Variants in ABCC11 observed in about 807,000 individuals in gnomAD.
The protein encoded by ABCC11 is ATP binding cassette subfamily C member 11, also known as ATP-binding cassette sub-family C member 11.
ABCC11 carries 135 observed loss-of-function variants against 149.3 expected under a neutral mutation model. The ratio of observed to expected loss-of-function variants is 0.90; its 90% CI spans 0.79 to 1.04. ABCC11 has a LOEUF of 1.04. Among genes scored for constraint, ABCC11 ranks in the 50% least tolerant of loss-of-function variants. The probability of loss-of-function intolerance (pLI) is 0.00; values close to 1 mark genes in which losing one functional copy is unlikely to be tolerated. For missense variants in ABCC11, 1,680 were observed against 1,722.1 expected, an observed-to-expected ratio of 0.98 and a Z score of 0.43; for synonymous variants, 665 against 671.4, an observed-to-expected ratio of 0.99 and a Z score of 0.15.
At chr16:48,226,072 C>CATTATTATTATTATTATT (rs141311389) in intron 4 of ABCC11, among the ~76,000 whole-genome samples, 6,589 of 150,126 alleles carry the variant, frequency 0.044, 177 homozygotes, top group Middle Eastern at 0.073. Context: ...TTTCCAGGTA[C>CATTATTATTATTATTATT]ATTATTATTA....
intron 19 of ABCC11, among the ~76,000 whole-genome samples, chr16:48,193,469 G>C (rs1306032997): frequency 6.6e-6 from 1 of 152,162 alleles, no homozygotes; most frequent in Non-Finnish European, 1.5e-5. Flanking sequence ...CTCTGAATGT[G>C]GGTGGGGAGA....
chr16:48,175,781 G>T (rs1966023207), intron 25 of ABCC11, among the ~76,000 whole-genome samples: 1 of 152,034 alleles, frequency 6.6e-6, no homozygotes, highest in Non-Finnish European at 1.5e-5. Context: ...AGTAGAATTG[G>T]CAACACTGGA....
At chr16:48,239,659 AAAAC>A (rs1275036343) in intron 1 of ABCC11, among the ~76,000 whole-genome samples, 1 of 152,154 alleles carries the variant, frequency 6.6e-6, no homozygotes, top group Non-Finnish European at 1.5e-5. Context: ...AATTGCAACA[AAAAC>A]AAAAATTGAC....
Position 48,227,969 on chromosome 16 carries a change from T to C in ABCC11, c.237-5A>G, listed in dbSNP as rs1206089920. On this transcript the variant is annotated splice_region_variant and splice_polypyrimidine_tract_variant and intron_variant, in intron 3 of 29. Coordinates refer to ENST00000356608, the MANE Select transcript of ABCC11 (RefSeq NM_001370497.1). ...AGGGGCTGGGGGGCAGGAAACCTAG[T>C]AGAGGGGCCACAAGGATAAGAATGA... 11 of 1,607,166 alleles carry C rather than the reference T, an allele frequency of 6.8e-6. No homozygotes were observed. Among genetic ancestry groups the C allele is most frequent in the Middle Eastern group, 1.8e-4 (1 of 5,702 alleles).
Position 48,196,266 on chromosome 16 carries a change from C to T in ABCC11, c.2370G>A (p.Trp790Ter). Reference protein sequence around the residue: ...EEEMEEGSLSWRVYHHYIQAA... With the variant: ...EEEMEEGSLS ...CCTGGATGTAGTGGTGGTAGACCCT[C>T]CAACTCAAGGAGCCTTCTTCCATCT... Residue 790 changes from tryptophan (W) to a stop codon, truncating the protein, a stop_gained, in exon 18 of 30, where the codon TGG becomes TGA. Transcript: ENST00000356608. LOFTEE classifies it high-confidence loss of function. 2 of 1,614,172 alleles carry T rather than the reference C, an allele frequency of 1.2e-6. No homozygotes were observed. The highest frequency in any genetic ancestry group is 1.7e-6 in the Non-Finnish European group (2 of 1,180,030).
intron 19 of ABCC11, 39 bp downstream of exon 19, chr16:48,193,840 G>A (rs1303832863): frequency 1.9e-6 from 3 of 1,539,038 alleles, no homozygotes; most frequent in East Asian, 2.2e-5. Context: ...CCTCACTCAA[G>A]CCCATAGAAA....
chr16:48,222,880 G>A (rs764174293), intron 5 of ABCC11, 49 bp from the exon 6 acceptor site: 19 of 1,481,146 alleles, frequency 1.3e-5, no homozygotes, highest in Middle Eastern at 1.7e-4. Flanking sequence ...TGCCAGACAC[G>A]TTTGATGTTT....
At chr16:48,211,244 T>C (rs777732185) in intron 10 of ABCC11, 45 bp from the exon 11 acceptor site, 2 of 1,594,222 alleles carry the variant, frequency 1.3e-6, no homozygotes, top group Non-Finnish European at 1.7e-6. Context: ...TACAGTTCTT[T>C]AGTTCAGCAG....
rs1970386526 is a variant in ABCC11, at chr16:48,231,032, A to G, written c.100-459T>C. 2.0e-5 allele frequency among the ~76,000 whole-genome samples: 3 copies of G among 152,138 alleles called. No individual in the cohort carries two copies. In the South Asian group the frequency reaches 6.2e-4, roughly 31 times the overall value. ...GAATAAATAATATATTCTATATAAA[A>G]TAATACTTTTTAAAAGCACAGCAAG... On this transcript the variant is annotated intron_variant, in intron 2 of 29. Coordinates refer to ENST00000356608, the MANE Select transcript of ABCC11 (RefSeq NM_001370497.1).
intron 3 of ABCC11, 114 bp from the exon 4 acceptor site, chr16:48,228,078 T>C (rs1596836352): frequency 2.1e-6 from 2 of 956,448 alleles, no homozygotes; most frequent in East Asian, 2.7e-5. Flanking sequence ...CAAACATGTT[T>C]TCATGACTCT....
In ABCC11 at chr16:48,210,833, A is replaced by G. The variant is rs1391086298; in HGVS notation, c.1608+115T>C. On this transcript the variant is annotated intron_variant, in intron 11 of 29. Transcript: ENST00000356608. ...AAAAATTTGAATTTTAAGGGGAGAGATCTTGGAGAGGGCAGTTTTTAACCA... is the reference window on the plus strand; with the variant it reads ...AAAAATTTGAATTTTAAGGGGAGAGGTCTTGGAGAGGGCAGTTTTTAACCA... 2.9e-6 allele frequency: 4 copies of G among 1,391,920 alleles called. No individual in the cohort carries two copies. In the Admixed American group the frequency reaches 9.3e-5, roughly 33 times the overall value. The allele number at this position is 1,391,920 out of a possible 1,614,324, so 86.2% of individuals were successfully genotyped here.
intron 1 of ABCC11, among the ~76,000 whole-genome samples, chr16:48,238,107 A>G (rs1246428157): frequency 6.6e-6 from 1 of 152,210 alleles, no homozygotes; most frequent in Admixed American, 6.5e-5. Context: ...TGTTCAAAAA[A>G]TATTTTTAGT....
At chr16:48,247,278 C>G (rs1449700288) in intron 1 of ABCC11, 36 bp downstream of exon 1, 1 of 152,378 alleles carries the variant, frequency 6.6e-6, no homozygotes, top group Non-Finnish European at 1.5e-5. Flanking sequence ...TAGCATTAGC[C>G]TGTTTCCACG....
rs769775213 is a variant in ABCC11 at position 48,176,969 on chromosome 16, T to C, written c.3493A>G (p.Ile1165Val). 1.5e-5 allele frequency: 24 copies of C among 1,614,052 alleles called. No homozygotes were observed. Among genetic ancestry groups the C allele is most frequent in the Non-Finnish European group, 1.7e-6 (2 of 1,180,040 alleles). Residue 1165 changes from isoleucine to valine, a missense_variant, in exon 25 of 30, where the codon ATC (isoleucine) becomes GTC (valine). By Grantham distance (29) the Ile-to-Val change is conservative. Transcript: ENST00000356608. Reference protein sequence around the residue: ...PTVLHGINLTIRGHEVVGIVG... With the variant: ...PTVLHGINLTVRGHEVVGIVG... The stretch of plus-strand genomic sequence containing the variant: ...ATGCCCACCACTTCGTGGCCGCGGA[T>C]GGTCAGGTTGATGCCGTGAAGCACG...
intron 7 of ABCC11, among the ~76,000 whole-genome samples, 157 bp from the exon 8 acceptor site, chr16:48,215,501 C>T (rs1056511634): frequency 6.6e-6 from 1 of 152,160 alleles, no homozygotes; most frequent in African/African-American, 2.4e-5. Context: ...TTAGAGCATC[C>T]CAGGGGCCTT....
rs757135919 is a variant in ABCC11, at chr16:48,198,052, T to C, written c.2233A>G (p.Thr745Ala). The C allele has an allele frequency of 6.2e-7, 1 of 1,614,218 alleles. No homozygotes were observed. The highest frequency in any genetic ancestry group is 8.5e-7 in the Non-Finnish European group (1 of 1,180,036). Residue 745 changes from threonine (T) to alanine (A), a missense_variant, in exon 17 of 30, where the codon ACA (threonine) becomes GCA (alanine). Transcript: ENST00000356608. Reference protein sequence around the residue: ...KEATSDMLQDTAKIAEKPKVE... With the variant: ...KEATSDMLQDAAKIAEKPKVE... ...TTTGGCTTCTCTGCTATCTTTGCTGTGTCCTGCAACATGTCCTGGGGAGAG... is the reference window on the plus strand; with the variant it reads ...TTTGGCTTCTCTGCTATCTTTGCTGCGTCCTGCAACATGTCCTGGGGAGAG...
chr16:48,207,632 A>C (rs1296976826), intron 12 of ABCC11, among the ~76,000 whole-genome samples: 1 of 151,620 alleles, frequency 6.6e-6, no homozygotes, highest in African/African-American at 2.4e-5. Context: ...ACACCATTGC[A>C]CTCCTGACTG....
At chr16:48,191,967 A>G (rs555698623) in intron 20 of ABCC11, among the ~76,000 whole-genome samples, 1 of 152,240 alleles carries the variant, frequency 6.6e-6, no homozygotes, top group Non-Finnish European at 1.5e-5. Flanking sequence ...CCTAAAACTT[A>G]AAATATAATA....
At chr16:48,204,673 C>A (rs1785027671) in intron 13 of ABCC11, among the ~76,000 whole-genome samples, 1 of 152,128 alleles carries the variant, frequency 6.6e-6, no homozygotes, top group Middle Eastern at 3.2e-3. Context: ...ACAGAGACAG[C>A]CAGTTCCTAC....
Sources: gnomAD v4.1 joint callset for allele counts (sites outside exome capture counted in the v4.1 genomes callset) on GRCh38, gnomAD v4.1.1 for gene constraint, MANE v1.5 for transcripts, NCBI Gene and HGNC (gene_info 2026-07-23, HGNC 2026-07-21) for gene names.